DIAPH1: variants seen among roughly 807,000 people sequenced by gnomAD.
DIAPH1 encodes protein diaphanous homolog 1.
In DIAPH1, 46 loss-of-function variants were observed where a neutral mutation model predicts 140.7. The ratio of observed to expected loss-of-function variants is 0.33; its 90% CI spans 0.26 to 0.42. The LOEUF is 0.42. DIAPH1 is among the 10% of genes least tolerant of loss of function. The probability of loss-of-function intolerance (pLI) is 1.00; values close to 1 mark genes in which losing one functional copy is unlikely to be tolerated. For missense variants in DIAPH1, 1,310 were observed against 1,558.7 expected, an observed-to-expected ratio of 0.84 and a Z score of 2.69; for synonymous variants, 565 against 551.6, an observed-to-expected ratio of 1.02 and a Z score of -0.34.
intron 10 of DIAPH1, 68 bp downstream of exon 10, chr5:141,578,447 C>A: frequency 3.3e-6 from 5 of 1,530,722 alleles, no homozygotes; most frequent in Non-Finnish European, 4.5e-6. Flanking sequence ...GAATTATCCC[C>A]GGGATTATTG....
intron 16 of DIAPH1, 49 bp from the exon 17 acceptor site, chr5:141,572,089 T>C (rs1444383831): frequency 7.4e-7 from 1 of 1,348,934 alleles, no homozygotes; most frequent in South Asian, 1.2e-5. Flanking sequence ...AGCCCTGTAC[T>C]TTCCGTCCTA....
At chr5:141,568,309 A>AAAT (rs2099894677) in intron 18 of DIAPH1, among the ~76,000 whole-genome samples, 1 of 152,118 alleles carries the variant, frequency 6.6e-6, no homozygotes, top group Non-Finnish European at 1.5e-5. Flanking sequence ...AAAAAAAGAA[A>AAAT]TTTAACTATT....
At chr5:141,528,388 CTG>C in intron 23 of DIAPH1, 63 bp downstream of exon 23, 1 of 1,609,462 alleles carries the variant, frequency 6.2e-7, no homozygotes. Flanking sequence ...CACATCTAGA[CTG>C]TGTCTTATTT....
chr5:141,614,724 T>C (rs1044221235), intron 1 of DIAPH1, among the ~76,000 whole-genome samples: 1 of 152,022 alleles, frequency 6.6e-6, no homozygotes, highest in African/African-American at 2.4e-5. Context: ...ATCTTTAAGC[T>C]ACCATTCTGT....
chr5:141,552,514 A>T (rs995622128), intron 18 of DIAPH1, among the ~76,000 whole-genome samples: 2 of 152,210 alleles, frequency 1.3e-5, no homozygotes, highest in Non-Finnish European at 2.9e-5. Flanking sequence ...GGCATTAGAC[A>T]TTGGAAAAGG....
At chr5:141,546,221 A>G (rs756974591) in intron 18 of DIAPH1, among the ~76,000 whole-genome samples, 2 of 152,104 alleles carry the variant, frequency 1.3e-5, no homozygotes, top group Non-Finnish European at 2.9e-5. Context: ...GTCTCTACTA[A>G]AACTACAAAA....
intron 18 of DIAPH1, chr5:141,561,813 G>A (rs1269582965): frequency 3.3e-5 from 5 of 152,290 alleles, no homozygotes; most frequent in African/African-American, 9.6e-5. Context: ...CAATGGGCGA[G>A]AGTTCTAATA....
At chr5:141,562,140 G>GA (rs2099893635) in intron 18 of DIAPH1, among the ~76,000 whole-genome samples, 1 of 151,308 alleles carries the variant, frequency 6.6e-6, no homozygotes, top group Non-Finnish European at 1.5e-5. Flanking sequence ...TTATGTATGA[G>GA]TTTTTTTTAG....
chr5:141,525,991 T>C (rs768584285), intron 26 of DIAPH1, 47 bp downstream of exon 26: 1 of 1,612,112 alleles, frequency 6.2e-7, no homozygotes, highest in South Asian at 1.1e-5. Context: ...CAGAGAAGTC[T>C]TCCCAACATT....
chr5:141,529,312 C>A, intron 20 of DIAPH1, 39 bp from the exon 21 acceptor site: 1 of 1,521,524 alleles, frequency 6.6e-7, no homozygotes, highest in Non-Finnish European at 9.1e-7. Flanking sequence ...GAGGGGAATT[C>A]GCTAACAACT....
Position 141,611,101 on chromosome 5 carries a change from A to AAAAAG in DIAPH1, c.117+7692_117+7696dup, listed in dbSNP as rs558835627. ...GTGAGACTCTGCCTCAAAAAAAGAA[A>AAAAAG]AAAAGAAAAGAAAAGAAAAGAAAAA... On this transcript the variant is annotated intron_variant, in intron 1 of 27. Coordinates refer to ENST00000389054, the MANE Select transcript of DIAPH1 (RefSeq NM_005219.5). 3.8e-3 allele frequency among the ~76,000 whole-genome samples: 575 copies of AAAAAG among 151,974 alleles called. 5 individuals carry two copies. Among genetic ancestry groups the AAAAAG allele is most frequent in the Admixed American group, 0.011 (163 of 15,260 alleles).
intron 18 of DIAPH1, among the ~76,000 whole-genome samples, chr5:141,548,905 T>C (rs1327710085): frequency 2.0e-5 from 3 of 152,188 alleles, no homozygotes; most frequent in Admixed American, 6.5e-5. Context: ...GTCAAGTATG[T>C]ATATTGTAAT....
chr5:141,544,549 T>A (rs998476651), intron 18 of DIAPH1, among the ~76,000 whole-genome samples: 26 of 152,180 alleles, frequency 1.7e-4, no homozygotes, highest in Non-Finnish European at 3.5e-4. Flanking sequence ...TTTTAAAAAA[T>A]GGACAGATTT....
chr5:141,577,097 T>G (rs1039633294), intron 12 of DIAPH1, among the ~76,000 whole-genome samples: 2 of 152,216 alleles, frequency 1.3e-5, no homozygotes, highest in Non-Finnish European at 2.9e-5. Flanking sequence ...CCGCTCCTAG[T>G]GCCAATACTT....
rs142480526 is a variant in DIAPH1 at position 141,587,142 on chromosome 5, G to A, written c.200C>T (p.Ala67Val). The A allele has an allele frequency of 2.9e-4, 475 of 1,614,092 alleles. 2 individuals carry two copies. In the East Asian group the frequency reaches 9.2e-3, roughly 31 times the overall value. The change falls in exon 3 of 28, where the codon GCT (alanine) becomes GTT (valine). Residue 67 changes from alanine to valine, a missense_variant. By Grantham distance (64) the Ala-to-Val change is moderately conservative. Coordinates refer to ENST00000389054, the MANE Select transcript of DIAPH1 (RefSeq NM_005219.5). ...ATATGATGCAGAAGAATTTCTATGA[G>A]CAGAATTGGGCTTTTCCTTCTCCTT... ...IKKEKEKPNS[A>V]HRNSSASYGD...
chr5:141,566,075 T>C (rs2099894317), intron 18 of DIAPH1, among the ~76,000 whole-genome samples: 2 of 151,942 alleles, frequency 1.3e-5, no homozygotes, highest in African/African-American at 2.4e-5. Flanking sequence ...AGGGAAAGAG[T>C]GAAGTCATCA....
chr5:141,536,510 G>C (rs548339754), intron 18 of DIAPH1, among the ~76,000 whole-genome samples: 1 of 151,952 alleles, frequency 6.6e-6, no homozygotes, highest in African/African-American at 2.4e-5. Flanking sequence ...AAATAAACTA[G>C]ACCATTTAAT....
chr5:141,516,494 C>T lies in DIAPH1; in HGVS notation c.*357G>A. On this transcript the variant is annotated 3_prime_UTR_variant, in exon 28 of 28. Coordinates refer to ENST00000389054, the MANE Select transcript of DIAPH1 (RefSeq NM_005219.5). Reference sequence around the variant, plus strand: ...GCAAGACTGACCTAGGGGGGAAAGCCCATTAGAAAGTCAGGGCTGAGAAAA... The same window carrying T: ...GCAAGACTGACCTAGGGGGGAAAGCTCATTAGAAAGTCAGGGCTGAGAAAA... 1 of 352,994 alleles carries T rather than the reference C, an allele frequency of 2.8e-6. No individual in the cohort carries two copies. Among genetic ancestry groups the T allele is most frequent in the Non-Finnish European group, 5.4e-6 (1 of 183,514 alleles). The allele number at this position is 352,994 out of a possible 1,614,324, so 21.9% of individuals were successfully genotyped here.
Position 141,609,782 on chromosome 5 carries a change from T to C in DIAPH1, c.117+9016A>G, listed in dbSNP as rs552816746. 9.9e-5 allele frequency among the ~76,000 whole-genome samples: 15 copies of C among 152,284 alleles called. No homozygotes were observed. In the East Asian group the frequency reaches 2.9e-3, roughly 29 times the overall value. On this transcript the variant is annotated intron_variant, in intron 1 of 27. Coordinates refer to ENST00000389054, the MANE Select transcript of DIAPH1 (RefSeq NM_005219.5). ...AAGACTGGCATTACACAATCTGTAG[T>C]ATACTGAATACAGGAAAACAAAAGG...
Sources: allele counts gnomAD v4.1 joint callset (sites outside exome capture counted in the v4.1 genomes callset), GRCh38; gene constraint gnomAD v4.1.1; transcripts MANE v1.5; gene names NCBI Gene and HGNC (gene_info 2026-07-23, HGNC 2026-07-21).